The following KCNQ5 variants were observed in gnomAD, a reference collection of about 807,000 sequenced individuals.
The protein encoded by KCNQ5 is potassium voltage-gated channel subfamily Q member 5, also known as potassium voltage-gated channel subfamily KQT member 5.
KCNQ5 carries 30 observed loss-of-function variants against 98.2 expected under a neutral mutation model. That is an observed-to-expected ratio of 0.31 (90% CI 0.23 to 0.41). KCNQ5 has a LOEUF of 0.41. Ranked by LOEUF, KCNQ5 falls within the 10% of genes least tolerant of loss-of-function variation. The pLI is 1.00. For missense variants in KCNQ5, 835 were observed against 1,182.5 expected (o/e 0.71, Z 4.31); for synonymous variants, 458 against 449.4 (o/e 1.02, Z -0.24).
intron 1 of KCNQ5, among the ~76,000 whole-genome samples, chr6:72,776,616 C>A (rs1376392051): frequency 2.0e-5 from 3 of 152,182 alleles, no homozygotes; most frequent in Admixed American, 6.5e-5. Context: ...TCCTTAACTT[C>A]ACATGAAATA....
intron 10 of KCNQ5, among the ~76,000 whole-genome samples, chr6:73,166,526 ACT>A (rs1777806488): frequency 2.7e-5 from 2 of 75,214 alleles, no homozygotes; most frequent in Admixed American, 1.8e-4. Flanking sequence ...AAAAAAAAAA[ACT>A]CTTATTACTA....
At chr6:72,763,452 G>A (rs989770867) in intron 1 of KCNQ5, among the ~76,000 whole-genome samples, 1 of 151,984 alleles carries the variant, frequency 6.6e-6, no homozygotes, top group African/African-American at 2.4e-5. Flanking sequence ...CAAATTTCCA[G>A]TGTTTCTCCA....
At chr6:73,186,425 A>AT (rs1023156465) in intron 11 of KCNQ5, among the ~76,000 whole-genome samples, 11 of 152,092 alleles carry the variant, frequency 7.2e-5, no homozygotes, top group African/African-American at 1.2e-4. Context: ...AATAAGTAAG[A>AT]TTTTTTTTAG....
At chr6:72,813,494 C>T (rs1242112312) in intron 1 of KCNQ5, among the ~76,000 whole-genome samples, 1 of 152,034 alleles carries the variant, frequency 6.6e-6, no homozygotes, top group Admixed American at 6.6e-5. Flanking sequence ...GTTTTTAATC[C>T]AAATGGGCCT....
chr6:73,162,389 T>C (rs1777649233), intron 10 of KCNQ5, among the ~76,000 whole-genome samples: 2 of 152,252 alleles, frequency 1.3e-5, no homozygotes, highest in African/African-American at 2.4e-5. Context: ...GGGCTAGATC[T>C]GCCAGGGAGG....
rs1271591072 is a variant in KCNQ5 at position 72,843,405 on chromosome 6, G to A, written c.399-160503G>A. Among the ~76,000 whole-genome samples the A allele has an allele frequency of 2.0e-5, 3 of 152,212 alleles. No homozygotes were observed. In the East Asian group the frequency reaches 5.8e-4, roughly 29 times the overall value. On this transcript the variant is annotated intron_variant, in intron 1 of 13. Coordinates refer to ENST00000370398, the MANE Select transcript of KCNQ5 (RefSeq NM_019842.4). ...CCATAGGCTTGTAGTGTAGTTTGAA[G>A]TCAGGTAGCATGATGCCTCCAGCTT...
intron 5 of KCNQ5, among the ~76,000 whole-genome samples, chr6:73,092,219 T>C (rs554769860): frequency 2.6e-5 from 4 of 152,114 alleles, no homozygotes; most frequent in Admixed American, 6.6e-5. Flanking sequence ...GATTTGTGTA[T>C]GTGAATTTTA....
At chr6:73,070,412 T>G (rs1403058477) in intron 3 of KCNQ5, among the ~76,000 whole-genome samples, 1 of 152,178 alleles carries the variant, frequency 6.6e-6, no homozygotes, top group African/African-American at 2.4e-5. Context: ...CAAACAAAAA[T>G]TCCGTTAAAA....
chr6:73,125,124 T>A (rs1280936361), intron 9 of KCNQ5, among the ~76,000 whole-genome samples: 1 of 150,080 alleles, frequency 6.7e-6, no homozygotes, highest in Non-Finnish European at 1.5e-5. Context: ...GCCCACTGAG[T>A]GCTGAGGTCT....
chr6:73,131,089 T>C (rs1225414131), intron 9 of KCNQ5, among the ~76,000 whole-genome samples: 2 of 152,124 alleles, frequency 1.3e-5, no homozygotes, highest in Non-Finnish European at 2.9e-5. Flanking sequence ...ATTATTCACA[T>C]TTTCCAATTT....
intron 3 of KCNQ5, chr6:73,055,529 A>G: frequency 6.7e-7 from 1 of 1,502,748 alleles, no homozygotes; most frequent in Non-Finnish European, 9.3e-7. Flanking sequence ...CCTCACAGAA[A>G]ATCACCTACC....
chr6:72,667,876 A>G (rs4311478), intron 1 of KCNQ5, among the ~76,000 whole-genome samples: 144,139 of 152,226 alleles, frequency 0.95, 68,702 homozygotes, highest in East Asian at 1. Context: ...TAACTGACCA[A>G]TAATCTTCAA....
chr6:72,943,301 A>G (rs1766393144), intron 1 of KCNQ5, among the ~76,000 whole-genome samples: 1 of 152,194 alleles, frequency 6.6e-6, no homozygotes, highest in Non-Finnish European at 1.5e-5. Flanking sequence ...TAGGGAATTG[A>G]ACATAAAGAA....
At chr6:73,110,178 T>G (rs571747208) in intron 6 of KCNQ5, among the ~76,000 whole-genome samples, 2 of 152,322 alleles carry the variant, frequency 1.3e-5, no homozygotes, top group East Asian at 3.9e-4. Context: ...GCTTATAAAA[T>G]GTCCATCTCT....
At chr6:73,148,933 G>GA (rs1300132713) in intron 10 of KCNQ5, among the ~76,000 whole-genome samples, 1 of 152,108 alleles carries the variant, frequency 6.6e-6, no homozygotes, top group African/African-American at 2.4e-5. Flanking sequence ...TAAACCTCAG[G>GA]AAAAATAGTT....
chr6:72,886,547 G>T (rs1778848742), intron 1 of KCNQ5, among the ~76,000 whole-genome samples: 1 of 152,090 alleles, frequency 6.6e-6, no homozygotes, highest in Non-Finnish European at 1.5e-5. Context: ...GAAATTTCCA[G>T]AATTGAAGAG....
intron 1 of KCNQ5, among the ~76,000 whole-genome samples, chr6:72,961,947 C>T (rs1290445022): frequency 4.6e-5 from 7 of 151,786 alleles, no homozygotes; most frequent in South Asian, 2.1e-4. Flanking sequence ...GAGGCCAAGG[C>T]GGGCAGATCC....
At chr6:72,981,880 A>C (rs974147786) in intron 1 of KCNQ5, among the ~76,000 whole-genome samples, 1 of 152,218 alleles carries the variant, frequency 6.6e-6, no homozygotes, top group Non-Finnish European at 1.5e-5. Context: ...CTTTCAAAGA[A>C]CATCTTTATT....
intron 1 of KCNQ5, among the ~76,000 whole-genome samples, chr6:72,720,422 C>T (rs550631689): frequency 6.6e-6 from 1 of 152,112 alleles, no homozygotes; most frequent in Non-Finnish European, 1.5e-5. Context: ...ATTTTTGCTT[C>T]CTCCGTGGTT....
Sources: allele counts gnomAD v4.1 joint callset (sites outside exome capture counted in the v4.1 genomes callset), GRCh38; gene constraint gnomAD v4.1.1; transcripts MANE v1.5; gene names NCBI Gene and HGNC (gene_info 2026-07-23, HGNC 2026-07-21).